The following CCDC138 variants were observed in gnomAD, a reference collection of about 807,000 sequenced individuals.
CCDC138 encodes coiled-coil domain containing 138.
A neutral mutation model predicts 82.3 loss-of-function variants in CCDC138; 66 were observed. The observed-to-expected ratio is 0.80, with a 90% CI of 0.66 to 0.98. CCDC138 has a LOEUF of 0.98. Among genes scored for constraint, CCDC138 ranks in the 50% least tolerant of loss-of-function variants. The pLI, the probability that CCDC138 is intolerant of heterozygous loss-of-function variation, is 0.00. For synonymous variants in CCDC138, 297 were observed against 265.4 expected, an observed-to-expected ratio of 1.12 and a Z score of -1.16; for missense variants, 816 against 758.9, an observed-to-expected ratio of 1.08 and a Z score of -0.88.
chr2:108,829,985 G>A (rs1185008693), intron 10 of CCDC138, among the ~76,000 whole-genome samples: 1 of 150,244 alleles, frequency 6.7e-6, no homozygotes, highest in Non-Finnish European at 1.5e-5. Flanking sequence ...TTTATAGCAA[G>A]ATTATATATA....
downstream of CCDC138, among the ~76,000 whole-genome samples, chr2:108,877,206 G>T (rs1344508649): frequency 6.6e-6 from 1 of 152,050 alleles, no homozygotes; most frequent in East Asian, 1.9e-4. Flanking sequence ...GGTGGCTTAC[G>T]CCTGTAATCC....
intron 11 of CCDC138, among the ~76,000 whole-genome samples, chr2:108,841,044 G>A (rs1392961646): frequency 1.3e-5 from 2 of 151,610 alleles, no homozygotes; most frequent in Non-Finnish European, 1.5e-5. Flanking sequence ...TTTTTAGTAG[G>A]GATGGGGTTT....
chr2:108,794,335 G>C (rs1464641217), intron 4 of CCDC138, among the ~76,000 whole-genome samples: 1 of 151,730 alleles, frequency 6.6e-6, no homozygotes, highest in Admixed American at 6.5e-5. Flanking sequence ...AAGTTGCAAA[G>C]ATAGTGCAAT....
chr2:108,794,497 T>A (rs1307386130), intron 4 of CCDC138, 43 bp from the exon 5 acceptor site: 1 of 1,525,650 alleles, frequency 6.6e-7, no homozygotes. Context: ...TTTGAAACAA[T>A]AAGTTAATAA....
chr2:108,822,449 C>T lies in CCDC138; in HGVS notation c.1206+6344C>T, dbSNP rs537140643. ...GCTTGAACAACATAATAAATTAACT[C>T]GATCTGTCAGACATATACAGAACAC... On this transcript the variant is annotated intron_variant, in intron 10 of 14. Transcript: ENST00000295124. Among the ~76,000 whole-genome samples the T allele has an allele frequency of 7.7e-4, 117 of 152,256 alleles. 1 individual carries two copies. The highest frequency in any genetic ancestry group is 3.4e-3 in the Middle Eastern group (1 of 294).
chr2:108,876,281 G>A lies in CCDC138; in HGVS notation c.*28G>A. Reference sequence around the variant, plus strand: ...TGGCTAATTTTTTAATATAGTATATGTGGTGCTTATTTATAAACATGTAGA... The same window carrying A: ...TGGCTAATTTTTTAATATAGTATATATGGTGCTTATTTATAAACATGTAGA... On this transcript the variant is annotated 3_prime_UTR_variant, in exon 15 of 15. Transcript: ENST00000295124. 3 of 1,304,868 alleles carry A rather than the reference G, an allele frequency of 2.3e-6. No homozygotes were observed. Among genetic ancestry groups the A allele is most frequent in the Admixed American group, 2.2e-5 (1 of 45,342 alleles). The allele number at this position is 1,304,868 out of a possible 1,614,324, so 80.8% of individuals were successfully genotyped here.
intron 10 of CCDC138, 112 bp from the exon 11 acceptor site, chr2:108,839,073 C>T (rs1425019756): frequency 8.7e-7 from 1 of 1,148,820 alleles, no homozygotes. Flanking sequence ...TGTTGGAGAA[C>T]TCTTTTGTTT....
chr2:108,790,134 C>A (rs995119945), intron 3 of CCDC138, among the ~76,000 whole-genome samples: 4 of 151,940 alleles, frequency 2.6e-5, no homozygotes, highest in Non-Finnish European at 5.9e-5. Flanking sequence ...AATAAGTACT[C>A]AAATGTTACC....
At chr2:108,863,442 G>C (rs938550278) in intron 13 of CCDC138, among the ~76,000 whole-genome samples, 8 of 152,168 alleles carry the variant, frequency 5.3e-5, no homozygotes, top group African/African-American at 1.9e-4. Flanking sequence ...AAAAACATCA[G>C]AGAAGCCAGT....
intron 6 of CCDC138, 58 bp downstream of exon 6, chr2:108,798,644 A>T (rs1194183332): frequency 7.5e-7 from 1 of 1,340,472 alleles, no homozygotes; most frequent in Admixed American, 2.1e-5. Context: ...TCTTAGATTC[A>T]CTAGTTACTA....
intron 10 of CCDC138, among the ~76,000 whole-genome samples, chr2:108,831,913 A>G (rs955498112): frequency 1.3e-5 from 2 of 151,368 alleles, no homozygotes; most frequent in Admixed American, 6.6e-5. Context: ...TTGTATATTT[A>G]GTAGAGATGG....
chr2:108,846,922 T>C lies in CCDC138; in HGVS notation c.1508T>C (p.Val503Ala). The C allele has an allele frequency of 6.3e-7, 1 of 1,581,340 alleles. No individual in the cohort carries two copies. The highest frequency in any genetic ancestry group is 8.7e-7 in the Non-Finnish European group (1 of 1,152,626). The change falls in exon 12 of 15, where the codon GTC becomes GCC. Residue 503 changes from valine to alanine, a missense_variant. Val to Ala is a moderately conservative substitution (Grantham distance 64). Coordinates refer to ENST00000295124, the MANE Select transcript of CCDC138 (RefSeq NM_144978.3). ...TCAACCTTAATTGTTCTCAAAACAGTCACTCAAGGTAAGCTTTCAATTGTA... is the reference window on the plus strand; with the variant it reads ...TCAACCTTAATTGTTCTCAAAACAGCCACTCAAGGTAAGCTTTCAATTGTA... ...FLSTLIVLKT[V>A]TQADYLAQAF...
chr2:108,800,136 G>A (rs1405778307), intron 6 of CCDC138, among the ~76,000 whole-genome samples: 1 of 152,054 alleles, frequency 6.6e-6, no homozygotes, highest in Non-Finnish European at 1.5e-5. Flanking sequence ...TTCTTTGTAT[G>A]TTCAGTGATT....
chr2:108,838,562 A>G (rs1688948424), intron 10 of CCDC138, among the ~76,000 whole-genome samples: 1 of 152,148 alleles, frequency 6.6e-6, no homozygotes, highest in Non-Finnish European at 1.5e-5. Context: ...GCCTTAGAAT[A>G]TGTCTTTATG....
intron 4 of CCDC138, among the ~76,000 whole-genome samples, chr2:108,792,721 C>T (rs559197798): frequency 1.1e-4 from 17 of 152,262 alleles, no homozygotes; most frequent in Non-Finnish European, 1.2e-4. Context: ...AAGACACACC[C>T]CCCTCCTTTT....
At chr2:108,826,676 A>C (rs900771206) in intron 10 of CCDC138, among the ~76,000 whole-genome samples, 2 of 152,130 alleles carry the variant, frequency 1.3e-5, no homozygotes, top group Non-Finnish European at 1.5e-5. Flanking sequence ...AATTTTGAAA[A>C]CAAAGTGTGA....
intron 7 of CCDC138, among the ~76,000 whole-genome samples, chr2:108,810,376 A>G (rs1683587233): frequency 1.3e-5 from 2 of 152,296 alleles, no homozygotes; most frequent in Admixed American, 1.3e-4. Flanking sequence ...ATTTTATCAA[A>G]TACTTTTTCT....
intron 5 of CCDC138, 119 bp downstream of exon 5, chr2:108,794,840 A>G: frequency 1.3e-6 from 1 of 780,014 alleles, no homozygotes; most frequent in Non-Finnish European, 2.0e-6. Context: ...TTGTCAAGAG[A>G]AGGACGGAAG....
intron 7 of CCDC138, among the ~76,000 whole-genome samples, chr2:108,805,989 T>C (rs1324749573): frequency 7.1e-6 from 1 of 140,544 alleles, no homozygotes; most frequent in African/African-American, 2.5e-5. Flanking sequence ...GTATGGATTA[T>C]GTAACTTAAG....
Sources: gnomAD v4.1 joint callset for allele counts (sites outside exome capture counted in the v4.1 genomes callset) on GRCh38, gnomAD v4.1.1 for gene constraint, MANE v1.5 for transcripts, NCBI Gene and HGNC (gene_info 2026-07-23, HGNC 2026-07-21) for gene names.